FREM1: variants seen among roughly 807,000 people sequenced by gnomAD.
The protein encoded by FREM1 is FRAS1 related extracellular matrix 1.
A neutral mutation model predicts 210.1 loss-of-function variants in FREM1; 220 were observed. That is an observed-to-expected ratio of 1.05 (90% CI 0.94 to 1.17). FREM1 has a LOEUF of 1.17. Ranked by LOEUF, FREM1 falls within the 50% of genes most tolerant of loss-of-function variation. The pLI is 0.00. For synonymous variants in FREM1, 1,189 were observed against 980.2 expected (o/e 1.21, Z -3.98); for missense variants, 3,454 against 2,675.5 (o/e 1.29, Z -6.42).
At chr9:14,800,720 T>A (rs2133270199) in intron 20 of FREM1, among the ~76,000 whole-genome samples, 1 of 152,208 alleles carries the variant, frequency 6.6e-6, no homozygotes, top group East Asian at 1.9e-4. Flanking sequence ...AAAGAAAACA[T>A]GTTGTTGCCT....
chr9:14,784,677 A>C (rs1237546749), intron 23 of FREM1, 43 bp from the exon 24 acceptor site: 1 of 1,419,730 alleles, frequency 7.0e-7, no homozygotes, highest in Non-Finnish European at 9.3e-7. Flanking sequence ...ATATCAAAAA[A>C]CACATTATGT....
intron 2 of FREM1, 96 bp from the exon 3 acceptor site, chr9:14,863,999 T>C (rs1831061411): frequency 1.3e-6 from 1 of 748,760 alleles, no homozygotes; most frequent in Admixed American, 2.0e-5. Context: ...AAATATGCTC[T>C]GTTAGTAATG....
At chr9:14,812,655 T>C (rs1313486418) in intron 16 of FREM1, among the ~76,000 whole-genome samples, 157 bp downstream of exon 16, 2 of 152,136 alleles carry the variant, frequency 1.3e-5, no homozygotes, top group Admixed American at 6.5e-5. Flanking sequence ...CTTCCATATA[T>C]GGTGATCATG....
Position 14,793,036 on chromosome 9 carries a change from G to GA in FREM1, c.3840-153dup, listed in dbSNP as rs961222124. Among the ~76,000 whole-genome samples the GA allele has an allele frequency of 3.9e-5, 6 of 152,238 alleles. 1 individual carries two copies. The highest frequency in any genetic ancestry group is 5.9e-5 in the Non-Finnish European group (4 of 68,042). On this transcript the variant is annotated intron_variant, in intron 21 of 36. Coordinates refer to ENST00000380880, the MANE Select transcript of FREM1 (RefSeq NM_001379081.2). ...ACTGAAGATGACTAGTGAGAGGAAT[G>GA]AAACAGGCTCTCTACCCTCACACGT...
chr9:14,746,910 G>A lies in FREM1; in HGVS notation c.6138+13C>T. 4 of 1,611,374 alleles carry A rather than the reference G, an allele frequency of 2.5e-6. No individual in the cohort carries two copies. The highest frequency in any genetic ancestry group is 3.4e-6 in the Non-Finnish European group (4 of 1,179,302). ...GCGAATAAAGGTGCTTGGCTGCTCAGCCTGCCTCCTACCTTGGTTTGGGGA... is the reference window on the plus strand; with the variant it reads ...GCGAATAAAGGTGCTTGGCTGCTCAACCTGCCTCCTACCTTGGTTTGGGGA... On this transcript the variant is annotated intron_variant, in intron 34 of 36. Coordinates refer to ENST00000380880, the MANE Select transcript of FREM1 (RefSeq NM_001379081.2).
chr9:14,851,675 T>G (rs1461993669), intron 5 of FREM1, 68 bp from the exon 6 acceptor site: 1 of 1,192,400 alleles, frequency 8.4e-7, no homozygotes, highest in Admixed American at 1.7e-5. Context: ...ACAGGGCTAA[T>G]AGCATAATAT....
chr9:14,750,153 G>A lies in FREM1; in HGVS notation c.5531C>T (p.Ala1844Val), dbSNP rs1446442052. 1.2e-6 allele frequency: 2 copies of A among 1,613,666 alleles called. No homozygotes were observed. Among genetic ancestry groups the A allele is most frequent in the Non-Finnish European group, 1.7e-6 (2 of 1,179,760 alleles). The stretch of plus-strand genomic sequence containing the variant: ...TCCTTTTGAGTCCAAAATTTTCACT[G>A]CAGCTTTTGTCTTTGTGCCAAGAAC... ...NAVLGTKTKA[A>V]VKILDSKGGQ... Residue 1844 changes from alanine (A) to valine (V), a missense_variant, in exon 30 of 37, where the codon GCA becomes GTA. By Grantham distance (64) the Ala-to-Val change is moderately conservative. Coordinates refer to ENST00000380880, the MANE Select transcript of FREM1 (RefSeq NM_001379081.2).
intron 28 of FREM1, among the ~76,000 whole-genome samples, chr9:14,757,879 A>C (rs7864052): frequency 0.43 from 64,908 of 151,988 alleles, 14,234 homozygotes; most frequent in African/African-American, 0.51. Flanking sequence ...TACAATGCCA[A>C]GGCTCCTCTG....
intron 10 of FREM1, among the ~76,000 whole-genome samples, chr9:14,840,427 T>A (rs1588291973): frequency 6.6e-6 from 1 of 151,440 alleles, no homozygotes; most frequent in South Asian, 2.1e-4. Context: ...GCTGGGGAGG[T>A]CTCACAATCA....
At chr9:14,860,918 C>CGCATATAT (rs1830093688) in intron 3 of FREM1, among the ~76,000 whole-genome samples, 1 of 54,164 alleles carries the variant, frequency 1.8e-5, no homozygotes, top group Non-Finnish European at 3.2e-5. Flanking sequence ...TACACATATA[C>CGCATATAT]ACATATATAC....
intron 32 of FREM1, 35 bp downstream of exon 32, chr9:14,747,646 T>A: frequency 2.4e-6 from 3 of 1,265,860 alleles, no homozygotes; most frequent in Non-Finnish European, 3.3e-6. Flanking sequence ...CATCCATAAA[T>A]ATAAGAAATT....
chr9:14,891,577 A>T (rs776087055), intron 1 of FREM1, among the ~76,000 whole-genome samples: 2 of 152,202 alleles, frequency 1.3e-5, no homozygotes, highest in African/African-American at 2.4e-5. Context: ...GCAAAACAAA[A>T]CAGCAAGGGT....
At position 14,897,186 on chromosome 9, in the gene FREM1, C is replaced by G. The variant is rs148713884; in HGVS notation, c.-268+12728G>C. ...ATAATAAGCATGTATTATGCACTCA[C>G]TTTGTACCTGGCACTGTTGTAACTC... On this transcript the variant is annotated intron_variant, in intron 1 of 36. Coordinates refer to ENST00000380880, the MANE Select transcript of FREM1 (RefSeq NM_001379081.2). Among the ~76,000 whole-genome samples the G allele has an allele frequency of 2.1e-3, 325 of 152,320 alleles. 2 individuals are homozygous for G. The highest frequency in any genetic ancestry group is 0.013 in the East Asian group (70 of 5,194).
At chr9:14,874,450 T>C (rs539148446) in intron 1 of FREM1, among the ~76,000 whole-genome samples, 16 of 150,558 alleles carry the variant, frequency 1.1e-4, no homozygotes, top group Admixed American at 9.9e-4. Flanking sequence ...TTGATCTTTG[T>C]TGGTTTAAAG....
intron 3 of FREM1, among the ~76,000 whole-genome samples, chr9:14,862,406 A>G (rs1009613238): frequency 1.3e-5 from 2 of 152,040 alleles, no homozygotes; most frequent in African/African-American, 4.8e-5. Flanking sequence ...CAAATAAAAA[A>G]CCCTATAAAG....
In FREM1 at chr9:14,841,659, A is replaced by T. The variant is rs187729133; in HGVS notation, c.1739-70T>A. The T allele has an allele frequency of 2.4e-6, 3 of 1,252,620 alleles. No individual in the cohort carries two copies. In the Admixed American group the frequency reaches 7.1e-5, roughly 30 times the overall value. The allele number at this position is 1,252,620 out of a possible 1,614,324, so 77.6% of individuals were successfully genotyped here. A position where few individuals can be genotyped will look rare whatever the true frequency, so the allele number is the denominator to read the frequency against. On this transcript the variant is annotated intron_variant, in intron 9 of 36. Transcript: ENST00000380880. ...AAATATCGAGGGACAATGATATTGG[A>T]CTTATCTTCAAAAGTCTTATCTGTC...
At chr9:14,845,329 G>C (rs951029709) in intron 8 of FREM1, among the ~76,000 whole-genome samples, 7 of 151,112 alleles carry the variant, frequency 4.6e-5, no homozygotes, top group African/African-American at 1.7e-4. Context: ...TTTTGAGATG[G>C]AATCTTGCTT....
chr9:14,823,960 G>C lies in FREM1; in HGVS notation c.2169+65C>G. Reference sequence around the variant, plus strand: ...CCAACATTCTCAGGCACAATACTAGGCATGCCATACCTTCTAAGGGCACAC... The same window carrying C: ...CCAACATTCTCAGGCACAATACTAGCCATGCCATACCTTCTAAGGGCACAC... On this transcript the variant is annotated intron_variant, in intron 12 of 36. Transcript: ENST00000380880. 3 of 902,600 alleles carry C rather than the reference G, an allele frequency of 3.3e-6. 1 individual carries two copies. In the South Asian group the frequency reaches 5.8e-5, roughly 17 times the overall value. The allele number at this position is 902,600 out of a possible 1,614,324, so 55.9% of individuals were successfully genotyped here. A position where few individuals can be genotyped will look rare whatever the true frequency, so the allele number is the denominator to read the frequency against.
chr9:14,835,625 C>T (rs531968526), intron 10 of FREM1, among the ~76,000 whole-genome samples: 2 of 152,286 alleles, frequency 1.3e-5, no homozygotes, highest in African/African-American at 4.8e-5. Context: ...GAAAGGATCA[C>T]CCAACTCACA....
Sources: allele counts gnomAD v4.1 joint callset (sites outside exome capture counted in the v4.1 genomes callset), GRCh38; gene constraint gnomAD v4.1.1; transcripts MANE v1.5; gene names NCBI Gene and HGNC (gene_info 2026-07-23, HGNC 2026-07-21).